Variants in LRRC7 observed in about 807,000 individuals in gnomAD.
LRRC7 encodes the protein leucine rich repeat containing 7.
In LRRC7, 23 loss-of-function variants were observed where a neutral mutation model predicts 175.7. The observed-to-expected ratio is 0.13, with a 90% confidence interval of 0.09 to 0.19. The LOEUF (loss-of-function observed/expected upper bound fraction) is 0.19, where lower values mean the gene tolerates loss of function less well. Among genes scored for constraint, LRRC7 ranks in the 10% least tolerant of loss-of-function variants. The pLI is 1.00. For synonymous variants in LRRC7, 685 were observed against 680.9 expected (o/e 1.01, Z -0.09); for missense variants, 1,354 against 1,904.7 (o/e 0.71, Z 5.38).
Position 69,679,914 on chromosome 1 carries a change from A to G in LRRC7, c.100+1436A>G, listed in dbSNP as rs575997306. 3.9e-5 allele frequency among the ~76,000 whole-genome samples: 6 copies of G among 152,224 alleles called. No individual in the cohort carries two copies. In the South Asian group the frequency reaches 1.2e-3, roughly 32 times the overall value. ...TCAGCCTGACACCTTTTTTGTAAGTACAATTGTATTGAAACACAGCCATCA... is the reference window on the plus strand; with the variant it reads ...TCAGCCTGACACCTTTTTTGTAAGTGCAATTGTATTGAAACACAGCCATCA... On this transcript the variant is annotated intron_variant, in intron 2 of 26. Transcript: ENST00000651989.
At chr1:69,781,913 G>GAAGAAAGAAAGAAAGAAAGA (rs760972258) in intron 3 of LRRC7, among the ~76,000 whole-genome samples, 2 of 68,032 alleles carry the variant, frequency 2.9e-5, no homozygotes, top group African/African-American at 1.4e-4. Context: ...GAAAGAAAAA[G>GAAGAAAGAAAGAAAGAAAGA]AAGAAAGAAA....
chr1:69,626,829 T>C (rs991937734), intron 1 of LRRC7, among the ~76,000 whole-genome samples: 2 of 151,296 alleles, frequency 1.3e-5, no homozygotes, highest in Non-Finnish European at 2.9e-5. Context: ...CGGTGTTTTG[T>C]TTTTTGTCCT....
chr1:69,925,757 G>A (rs1647051162), intron 7 of LRRC7, among the ~76,000 whole-genome samples: 1 of 151,806 alleles, frequency 6.6e-6, no homozygotes, highest in Non-Finnish European at 1.5e-5. Flanking sequence ...CCAGCTCCTG[G>A]ATTCATTAAT....
chr1:70,068,855 G>T lies in LRRC7; in HGVS notation c.4231-7222G>T, dbSNP rs148726716. On this transcript the variant is annotated intron_variant, in intron 23 of 26. Transcript: ENST00000651989. ...CTCAGCCTCTCGAGTAGCTAAGACT[G>T]CAGGTGTGCACCACCACAGTGGCTA... is the stretch of plus-strand genomic sequence containing the variant. Among the ~76,000 whole-genome samples, 967 of 152,104 alleles carry T rather than the reference G, an allele frequency of 6.4e-3. 12 individuals carry two copies. The highest frequency in any genetic ancestry group is 0.022 in the African/African-American group (892 of 41,480).
intron 11 of LRRC7, among the ~76,000 whole-genome samples, chr1:69,995,599 C>T (rs889235831): frequency 1.0e-4 from 15 of 150,116 alleles, no homozygotes; most frequent in African/African-American, 2.0e-4. Context: ...TTCCCCTTCC[C>T]GTGTCCATGT....
chr1:69,746,052 A>G (rs187343006), intron 2 of LRRC7, among the ~76,000 whole-genome samples: 1 of 151,966 alleles, frequency 6.6e-6, no homozygotes, highest in Non-Finnish European at 1.5e-5. Context: ...TATCACCCAA[A>G]TATATTTCAC....
intron 7 of LRRC7, among the ~76,000 whole-genome samples, chr1:69,922,823 T>G (rs996466238): frequency 3.3e-4 from 50 of 152,036 alleles, no homozygotes; most frequent in Non-Finnish European, 1.2e-4. Context: ...ATTTTATTAT[T>G]ATTATACTTT....
rs766749937 is a variant in LRRC7 at position 70,038,207 on chromosome 1, C to T, written c.2383C>T (p.Arg795Trp). 20 of 1,613,978 alleles carry T rather than the reference C, an allele frequency of 1.2e-5. No individual in the cohort carries two copies. The highest frequency in any genetic ancestry group is 1.5e-5 in the Non-Finnish European group (18 of 1,180,022). The change falls in exon 21 of 27, where the codon CGG (arginine) becomes TGG (tryptophan). Residue 795 changes from arginine (R) to tryptophan (W), a missense_variant. By Grantham distance (101) the Arg-to-Trp change is moderately radical (BLOSUM62 -3). Around this residue, in one of 4 missense-constraint regions of LRRC7, gnomAD observed 1,032 missense variants for 1,227.2 expected, o/e 0.84. Coordinates refer to ENST00000651989, the MANE Select transcript of LRRC7 (RefSeq NM_001370785.2). The part of the protein sequence containing the change: ...PPGNIPQRPD[R>W]LPMSDTFTDN... ...AGGCAATATACCACAGCGTCCTGAC[C>T]GGCTGCCCATGAGTGATACTTTCAC...
chr1:69,706,065 C>T (rs1430403284), intron 2 of LRRC7, among the ~76,000 whole-genome samples: 1 of 152,104 alleles, frequency 6.6e-6, no homozygotes, highest in African/African-American at 2.4e-5. Context: ...TGATTGAATG[C>T]TGAATTATTT....
chr1:69,879,657 C>T (rs6695130), intron 7 of LRRC7: 13,824 of 152,318 alleles, frequency 0.091, 1,432 homozygotes, highest in African/African-American at 0.26. Context: ...GATTTCTTGA[C>T]CCCAGGAGTT....
intron 4 of LRRC7, among the ~76,000 whole-genome samples, chr1:69,803,729 G>A (rs191991076): frequency 1.1e-3 from 171 of 150,772 alleles, no homozygotes; most frequent in African/African-American, 3.8e-3. Flanking sequence ...TCTTGAGTCC[G>A]TTTTTCATAA....
In LRRC7 at chr1:69,679,827, A is replaced by G. The variant is rs916148445; in HGVS notation, c.100+1349A>G. Among the ~76,000 whole-genome samples, 128 of 152,126 alleles carry G rather than the reference A, an allele frequency of 8.4e-4. 1 individual carries two copies. Among genetic ancestry groups the G allele is most frequent in the African/African-American group, 3.0e-3 (126 of 41,452 alleles). On this transcript the variant is annotated intron_variant, in intron 2 of 26. Transcript: ENST00000651989. ...ACCATTTAACATAAAGTGATTTTTC[A>G]GGACTCTTGTACTGAGTTGGTCTAA...
At chr1:69,871,185 A>T (rs1256799428) in intron 7 of LRRC7, among the ~76,000 whole-genome samples, 5 of 152,120 alleles carry the variant, frequency 3.3e-5, no homozygotes, top group Admixed American at 3.3e-4. Context: ...AAAGAAAATG[A>T]TGTATACGTA....
At chr1:70,101,001 T>C (rs1031547520) in intron 25 of LRRC7, among the ~76,000 whole-genome samples, 1 of 152,186 alleles carries the variant, frequency 6.6e-6, no homozygotes, top group South Asian at 2.1e-4. Flanking sequence ...CCTTGATATG[T>C]CAAGTGTTCT....
At chr1:69,838,425 T>G in intron 7 of LRRC7, 142 bp downstream of exon 7, 1 of 635,218 alleles carries the variant, frequency 1.6e-6, no homozygotes. Flanking sequence ...AAGTATGGTA[T>G]ACTGTAAAAG....
chr1:69,737,388 C>A (rs1472214572), intron 2 of LRRC7, among the ~76,000 whole-genome samples: 2 of 152,100 alleles, frequency 1.3e-5, no homozygotes, highest in Non-Finnish European at 2.9e-5. Flanking sequence ...CTCTAATGAT[C>A]CCTTGCCTTC....
chr1:69,906,378 T>C (rs1297882594), intron 7 of LRRC7, among the ~76,000 whole-genome samples: 1 of 152,170 alleles, frequency 6.6e-6, no homozygotes, highest in Admixed American at 6.5e-5. Context: ...TCTTCTAGGG[T>C]TTTTATGGTT....
chr1:69,641,609 C>T (rs1654221445), intron 1 of LRRC7, among the ~76,000 whole-genome samples: 1 of 151,560 alleles, frequency 6.6e-6, no homozygotes, highest in South Asian at 2.1e-4. Context: ...AGCATTATCT[C>T]AATTTTTTAT....
chr1:69,580,998 C>A (rs1646177588), intron 1 of LRRC7, among the ~76,000 whole-genome samples: 1 of 152,014 alleles, frequency 6.6e-6, no homozygotes, highest in African/African-American at 2.4e-5. Context: ...AACTTTAAAT[C>A]AGAAGAGGAT....
Sources: gnomAD v4.1 joint callset for allele counts (sites outside exome capture counted in the v4.1 genomes callset) on GRCh38, gnomAD v4.1.1 for gene constraint, gnomAD v4.1.1 regional missense constraint, MANE v1.5 for transcripts, NCBI Gene and HGNC (gene_info 2026-07-23, HGNC 2026-07-21) for gene names.